Variants in GRIN2A observed in about 807,000 individuals in gnomAD.
GRIN2A encodes the protein glutamate receptor ionotropic, NMDA 2A.
In GRIN2A, 22 loss-of-function variants were observed where a neutral mutation model predicts 113.4. The observed-to-expected ratio is 0.19, with a 90% CI of 0.14 to 0.28. The LOEUF (loss-of-function observed/expected upper bound fraction) is 0.28. GRIN2A is among the 10% of genes least tolerant of loss of function. GRIN2A has a pLI of 1.00. For synonymous variants in GRIN2A, 827 were observed against 738.4 expected (o/e 1.12, Z -1.94); for missense variants, 1,502 against 1,887.0 (o/e 0.80, Z 3.78).
At position 9,925,318 on chromosome 16, in the gene GRIN2A, C is replaced by T. The variant is rs138567759; in HGVS notation, c.1007+12641G>A. 2.2e-3 allele frequency among the ~76,000 whole-genome samples: 342 copies of T among 152,316 alleles called. 1 individual carries two copies. Among genetic ancestry groups the T allele is most frequent in the African/African-American group, 7.8e-3 (324 of 41,568 alleles). The stretch of plus-strand genomic sequence containing the variant: ...TAACTGGGTTTTCTAGTCTGACTAG[C>T]GGCTAACCCTCACTCCACGTGAGTC... On this transcript the variant is annotated intron_variant, in intron 3 of 12. Transcript: ENST00000330684.
At chr16:9,808,349 G>A (rs1001148717) in intron 10 of GRIN2A, among the ~76,000 whole-genome samples, 20 of 152,246 alleles carry the variant, frequency 1.3e-4, no homozygotes, top group Middle Eastern at 6.8e-3. Flanking sequence ...GTGGGAATTC[G>A]AATCCAGGAT....
intron 11 of GRIN2A, among the ~76,000 whole-genome samples, chr16:9,773,470 A>G (rs201598855): frequency 6.6e-6 from 1 of 152,242 alleles, no homozygotes; most frequent in East Asian, 1.9e-4. Flanking sequence ...CTTGTGAACC[A>G]GAGCTGATAA....
chr16:10,106,187 GT>G (rs61465655), intron 2 of GRIN2A, among the ~76,000 whole-genome samples: 51,391 of 139,176 alleles, frequency 0.37, 9,285 homozygotes, highest in East Asian at 0.47. Flanking sequence ...AAGTGAAAGA[GT>G]TTTTTTTTTT....
chr16:9,992,706 G>A (rs769069006), intron 2 of GRIN2A, among the ~76,000 whole-genome samples: 17 of 152,198 alleles, frequency 1.1e-4, no homozygotes, highest in Non-Finnish European at 2.1e-4. Context: ...TCAGGATGCA[G>A]AGAAATCAAG....
chr16:9,907,363 C>T (rs1226727895), intron 3 of GRIN2A, among the ~76,000 whole-genome samples: 1 of 152,188 alleles, frequency 6.6e-6, no homozygotes, highest in Non-Finnish European at 1.5e-5. Context: ...GGAAGTGACC[C>T]TCAGAAGGTT....
intron 4 of GRIN2A, among the ~76,000 whole-genome samples, chr16:9,889,486 T>C (rs888574097): frequency 2.6e-5 from 4 of 152,158 alleles, no homozygotes; most frequent in Admixed American, 2.6e-4. Context: ...GTATTTATGA[T>C]TTTTTTCTTC....
chr16:9,889,519 C>G (rs1037624272), intron 4 of GRIN2A, among the ~76,000 whole-genome samples: 5 of 151,942 alleles, frequency 3.3e-5, no homozygotes, highest in Non-Finnish European at 5.9e-5. Context: ...TCACTTTGCT[C>G]TTTTCTAACT....
At chr16:9,891,126 A>C (rs1567376290) in intron 3 of GRIN2A, 26 bp from the exon 4 acceptor site, 8 of 1,363,066 alleles carry the variant, frequency 5.9e-6, no homozygotes, top group Non-Finnish European at 8.4e-6. Context: ...GAGAAAGACA[A>C]ATTTTTAGGA....
chr16:10,040,157 C>T (rs945682375), intron 2 of GRIN2A, among the ~76,000 whole-genome samples: 38 of 20,240 alleles, frequency 1.9e-3, no homozygotes, highest in Middle Eastern at 0.021. Context: ...ACACTCGCAA[C>T]TTCACTCAGT....
intron 2 of GRIN2A, among the ~76,000 whole-genome samples, chr16:10,073,934 A>AC (rs1555474706): frequency 6.6e-6 from 1 of 151,518 alleles, no homozygotes; most frequent in Non-Finnish European, 1.5e-5. Flanking sequence ...AAAAAAAAAA[A>AC]CGAAGTGAAA....
chr16:10,170,985 T>C (rs2050030542), intron 2 of GRIN2A, among the ~76,000 whole-genome samples: 1 of 152,192 alleles, frequency 6.6e-6, no homozygotes, highest in South Asian at 2.1e-4. Context: ...GAACCTCCAG[T>C]GCAGTCTTTA....
chr16:10,001,678 G>A (rs547909346), intron 2 of GRIN2A, among the ~76,000 whole-genome samples: 17 of 152,136 alleles, frequency 1.1e-4, no homozygotes, highest in Non-Finnish European at 2.4e-4. Flanking sequence ...TAATCAATGA[G>A]CCAGTCACCA....
At chr16:9,999,811 T>G (rs1251267640) in intron 2 of GRIN2A, among the ~76,000 whole-genome samples, 2 of 152,170 alleles carry the variant, frequency 1.3e-5, no homozygotes, top group African/African-American at 2.4e-5. Context: ...CAGGGGGTAT[T>G]AGTTTCCATT....
At chr16:10,085,850 G>A (rs1336287055) in intron 2 of GRIN2A, among the ~76,000 whole-genome samples, 1 of 152,166 alleles carries the variant, frequency 6.6e-6, no homozygotes, top group African/African-American at 2.4e-5. Flanking sequence ...ATTAGTTGGG[G>A]TGGTTTAGGA....
chr16:10,170,923 T>A (rs1017262241), intron 2 of GRIN2A, among the ~76,000 whole-genome samples: 5 of 151,270 alleles, frequency 3.3e-5, no homozygotes, highest in Non-Finnish European at 5.9e-5. Context: ...CTTTAATATA[T>A]ACAATTTTTC....
intron 2 of GRIN2A, among the ~76,000 whole-genome samples, chr16:10,039,545 C>T (rs1567253445): frequency 1.3e-5 from 2 of 151,976 alleles, no homozygotes; most frequent in Non-Finnish European, 2.9e-5. Flanking sequence ...GCAAGGCTTA[C>T]CAAGGCTGCC....
intron 3 of GRIN2A, among the ~76,000 whole-genome samples, chr16:9,914,459 G>A (rs916424702): frequency 6.6e-6 from 1 of 152,198 alleles, no homozygotes; most frequent in African/African-American, 2.4e-5. Flanking sequence ...TGGCTGACAG[G>A]CCTGCACCTG....
intron 2 of GRIN2A, among the ~76,000 whole-genome samples, chr16:10,016,333 C>T (rs1287303433): frequency 6.6e-6 from 1 of 152,068 alleles, no homozygotes; most frequent in East Asian, 1.9e-4. Context: ...TCTGTCACCC[C>T]ATCCAACAAT....
chr16:10,018,755 A>G (rs1008659890), intron 2 of GRIN2A, among the ~76,000 whole-genome samples: 12 of 152,290 alleles, frequency 7.9e-5, no homozygotes, highest in African/African-American at 2.9e-4. Flanking sequence ...GAAGATGAGC[A>G]GGAAAGAAAA....
Sources: gnomAD v4.1 joint callset for allele counts (sites outside exome capture counted in the v4.1 genomes callset) on GRCh38, gnomAD v4.1.1 for gene constraint, MANE v1.5 for transcripts, NCBI Gene and HGNC (gene_info 2026-07-23, HGNC 2026-07-21) for gene names.